The following GPATCH1 variants were observed in gnomAD, a reference collection of about 807,000 sequenced individuals.
GPATCH1 encodes the protein G patch domain-containing protein 1.
In GPATCH1, 73 loss-of-function variants were observed where a neutral mutation model predicts 114.9. That is an observed-to-expected ratio of 0.64 (90% confidence interval 0.53 to 0.77). The LOEUF (loss-of-function observed/expected upper bound fraction) is 0.77. Ranked by LOEUF, GPATCH1 falls within the 30% of genes least tolerant of loss-of-function variation. GPATCH1 has a pLI of 0.00. For missense variants in GPATCH1, 1,058 were observed against 1,144.3 expected, an observed-to-expected ratio of 0.92 and a Z score of 1.09; for synonymous variants, 391 against 428.4, an observed-to-expected ratio of 0.91 and a Z score of 1.08.
At chr19:33,089,137 T>G (rs1418773021) in intron 2 of GPATCH1, among the ~76,000 whole-genome samples, 1 of 152,246 alleles carries the variant, frequency 6.6e-6, no homozygotes, top group Non-Finnish European at 1.5e-5. Flanking sequence ...GTTTTTATTG[T>G]GTCTTGCCAT....
In GPATCH1 at chr19:33,109,861, C is replaced by T. The variant is rs200074971; in HGVS notation, c.1430C>T (p.Ser477Phe). ...QNAQSSRAQL[S>F]PAAAAGHCSW... ...GCTCAGAGCAGCAGAGCCCAGCTCT[C>T]CCCTGCAGCGGCTGCTGGGCACTGC... The change falls in exon 11 of 20, where the codon TCC (serine) becomes TTC (phenylalanine). Residue 477 changes from serine to phenylalanine, a missense_variant. Transcript: ENST00000170564. 1.7e-4 allele frequency: 271 copies of T among 1,614,138 alleles called. 1 individual carries two copies. The Middle Eastern group carries it at 3.3e-3, about 20-fold the overall frequency.
At chr19:33,091,478 G>A (rs1203139329) in intron 3 of GPATCH1, among the ~76,000 whole-genome samples, 1 of 150,884 alleles carries the variant, frequency 6.6e-6, no homozygotes, top group East Asian at 1.9e-4. Context: ...TATCCATGGT[G>A]CTGGGTCTGC....
At chr19:33,084,959 C>T (rs1376002038) in intron 1 of GPATCH1, among the ~76,000 whole-genome samples, 1 of 152,212 alleles carries the variant, frequency 6.6e-6, no homozygotes, top group Admixed American at 6.5e-5. Context: ...CTGTGCCCAG[C>T]GACTTTGCCC....
chr19:33,114,872 G>A (rs8107275), intron 15 of GPATCH1, among the ~76,000 whole-genome samples: 79,466 of 141,006 alleles, frequency 0.56, 26,750 homozygotes, highest in East Asian at 0.99. Flanking sequence ...GCATGATTTC[G>A]GCTCACTGCA....
chr19:33,112,716 C>T (rs1972871507), intron 13 of GPATCH1, 103 bp downstream of exon 13: 1 of 817,830 alleles, frequency 1.2e-6, no homozygotes, highest in Non-Finnish European at 1.9e-6. Flanking sequence ...TCTACATGAA[C>T]TTATTTGCAT....
At chr19:33,094,310 G>A (rs755455393) in intron 5 of GPATCH1, 41 bp downstream of exon 5, 6 of 1,065,414 alleles carry the variant, frequency 5.6e-6, no homozygotes, top group African/African-American at 2.1e-5. Flanking sequence ...CTGCTGCAGC[G>A]TACTTTTTTT....
chr19:33,083,114 G>T (rs554323065), intron 1 of GPATCH1, among the ~76,000 whole-genome samples: 30 of 150,988 alleles, frequency 2.0e-4, no homozygotes, highest in South Asian at 1.3e-3. Flanking sequence ...GGTGGGGGGG[G>T]GCTCATGTAG....
rs142214065 is a variant in GPATCH1, at chr19:33,096,227, G to A, written c.633G>A (p.Leu211=). 695 of 1,613,874 alleles carry A rather than the reference G, an allele frequency of 4.3e-4. 2 individuals are homozygous for A. Among genetic ancestry groups the A allele is most frequent in the Non-Finnish European group, 4.8e-5 (57 of 1,179,850 alleles). Residue 211 remains leucine, a synonymous_variant, in exon 7 of 20, where the codon TTG becomes TTA. Coordinates refer to ENST00000170564, the MANE Select transcript of GPATCH1 (RefSeq NM_018025.3). ...AATAGGGTGAAGATGATGACTACTT[G>A]CCTGATAATGTGACCTTTGCACCCA... ...EGSEGEDDDY[L]PDNVTFAPKD...
intron 1 of GPATCH1, among the ~76,000 whole-genome samples, chr19:33,087,596 C>T (rs555913097): frequency 1.6e-4 from 25 of 152,168 alleles, no homozygotes; most frequent in Middle Eastern, 3.4e-3. Context: ...TGTATCTCTC[C>T]TTGCCAAGTG....
chr19:33,112,673 T>C, intron 13 of GPATCH1, 60 bp downstream of exon 13: 2 of 1,369,790 alleles, frequency 1.5e-6, no homozygotes, highest in Non-Finnish European at 1.0e-6. Flanking sequence ...AAGCTAATTT[T>C]CCCCTTACAT....
intron 1 of GPATCH1, 97 bp from the exon 2 acceptor site, chr19:33,088,037 C>T (rs1416405126): frequency 3.1e-6 from 2 of 646,366 alleles, no homozygotes; most frequent in Admixed American, 3.3e-5. Context: ...AAGAAGTAAA[C>T]AATTTATGAT....
At position 33,110,035 on chromosome 19, in the gene GPATCH1, T is replaced by G; in HGVS notation, c.1585+19T>G. ...CAGAAAGGTGGGTGCTGGGCCTGGGTGTCCCAAATCTCGGCCCGGGCGGGG... is the reference window on the plus strand; with the variant it reads ...CAGAAAGGTGGGTGCTGGGCCTGGGGGTCCCAAATCTCGGCCCGGGCGGGG... On this transcript the variant is annotated intron_variant, in intron 11 of 19. Coordinates refer to ENST00000170564, the MANE Select transcript of GPATCH1 (RefSeq NM_018025.3). 1 of 1,580,456 alleles carries G rather than the reference T, an allele frequency of 6.3e-7. No individual in the cohort carries two copies.
chr19:33,121,878 A>G (rs1972988772), intron 17 of GPATCH1, among the ~76,000 whole-genome samples: 1 of 152,198 alleles, frequency 6.6e-6, no homozygotes, highest in Non-Finnish European at 1.5e-5. Flanking sequence ...ATAGTTTCTC[A>G]TGGTGCCCAT....
rs569057525 is a variant in GPATCH1 at position 33,106,738 on chromosome 19, A to C, written c.1124A>C (p.His375Pro). 1 of 1,614,006 alleles carries C rather than the reference A, an allele frequency of 6.2e-7. No individual in the cohort carries two copies. The highest frequency in any genetic ancestry group is 1.3e-5 in the African/African-American group (1 of 75,020). The change falls in exon 10 of 20, where the codon CAT (histidine) becomes CCT (proline). Residue 375 changes from histidine to proline, a missense_variant. By Grantham distance (77) the His-to-Pro change is moderately conservative (BLOSUM62 -2). Coordinates refer to ENST00000170564, the MANE Select transcript of GPATCH1 (RefSeq NM_018025.3). ...PELPRDYRPV[H>P]YFRPMVAATS... ...CTGCCAAGAGACTATCGACCAGTGC[A>C]TTATTTCAGACCCATGGTGGCCGCC...
chr19:33,112,680 A>C (rs1972871092), intron 13 of GPATCH1, 67 bp downstream of exon 13: 12 of 1,258,764 alleles, frequency 9.5e-6, no homozygotes, highest in Non-Finnish European at 1.4e-5. Flanking sequence ...TTTTCCCCTT[A>C]CATACTCATA....
chr19:33,107,273 G>T (rs1367012677), intron 10 of GPATCH1, among the ~76,000 whole-genome samples: 1 of 151,988 alleles, frequency 6.6e-6, no homozygotes, highest in African/African-American at 2.4e-5. Context: ...AGAGATGAGG[G>T]TCTCACTATG....
At position 33,081,286 on chromosome 19, in the gene GPATCH1, G is replaced by T. The variant is rs755737505; in HGVS notation, c.73+20G>T. The T allele has an allele frequency of 6.5e-6, 10 of 1,547,560 alleles. No individual in the cohort carries two copies. The highest frequency in any genetic ancestry group is 5.5e-5 in the African/African-American group (4 of 73,100). ...AAGAAGGTGCGGGCCGCGTGGGCCGGCGGAGCCTGTGGAAAACAGGCCAAG... is the reference window on the plus strand; with the variant it reads ...AAGAAGGTGCGGGCCGCGTGGGCCGTCGGAGCCTGTGGAAAACAGGCCAAG... On this transcript the variant is annotated intron_variant, in intron 1 of 19. Transcript: ENST00000170564.
At position 33,109,839 on chromosome 19, in the gene GPATCH1, C is replaced by T; in HGVS notation, c.1408C>T (p.Gln470Ter). Residue 470 changes from glutamine (Q) to a stop codon, truncating the protein, a stop_gained, in exon 11 of 20, where the codon CAG becomes TAG. Coordinates refer to ENST00000170564, the MANE Select transcript of GPATCH1 (RefSeq NM_018025.3). LOFTEE classifies it high-confidence loss of function. ...GGCCAGGAGTCTGGCCCAGAACGCTCAGAGCAGCAGAGCCCAGCTCTCCCC... is the reference window on the plus strand; with the variant it reads ...GGCCAGGAGTCTGGCCCAGAACGCTTAGAGCAGCAGAGCCCAGCTCTCCCC... ...LKARSLAQNA[Q>*]SSRAQLSPAA... 3 of 1,614,062 alleles carry T rather than the reference C, an allele frequency of 1.9e-6. No individual in the cohort carries two copies. Among genetic ancestry groups the T allele is most frequent in the Non-Finnish European group, 2.5e-6 (3 of 1,179,976 alleles).
At chr19:33,105,412 A>C (rs1245549197) in intron 9 of GPATCH1, among the ~76,000 whole-genome samples, 1 of 139,582 alleles carries the variant, frequency 7.2e-6, no homozygotes, top group Non-Finnish European at 1.6e-5. Flanking sequence ...ACTCTGTCTC[A>C]AAAAAAAAAA....
Sources: allele counts gnomAD v4.1 joint callset (sites outside exome capture counted in the v4.1 genomes callset), GRCh38; gene constraint gnomAD v4.1.1; transcripts MANE v1.5; gene names NCBI Gene and HGNC (gene_info 2026-07-23, HGNC 2026-07-21).